Variants in BORCS5 observed in about 807,000 individuals in gnomAD.
BORCS5 encodes the protein BLOC-1 related complex subunit 5, also known as BLOC-1-related complex subunit 5.
In BORCS5, 17 loss-of-function variants were observed where a neutral mutation model predicts 22.1. The ratio of observed to expected loss-of-function variants is 0.77; its 90% confidence interval spans 0.53 to 1.15. The LOEUF (loss-of-function observed/expected upper bound fraction) is 1.15. BORCS5 is among the 50% of genes most tolerant of loss of function. The pLI is 0.00. For synonymous variants in BORCS5, 117 were observed against 99.8 expected, an observed-to-expected ratio of 1.17 and a Z score of -1.03; for missense variants, 247 against 253.2, an observed-to-expected ratio of 0.98 and a Z score of 0.17.
At chr12:12,452,757 C>A (rs758503899) in intron 3 of BORCS5, among the ~76,000 whole-genome samples, 10 of 152,202 alleles carry the variant, frequency 6.6e-5, no homozygotes, top group Non-Finnish European at 1.0e-4. Flanking sequence ...GAGAGGCGTC[C>A]AGGAAAGATT....
rs1943259756 is a variant in BORCS5, at chr12:12,469,736, A to G, written c.*3960A>G. 1 of 152,252 alleles carries G rather than the reference A, an allele frequency of 6.6e-6. No individual in the cohort carries two copies. The highest frequency in any genetic ancestry group is 1.5e-5 in the Non-Finnish European group (1 of 68,048). 9.4% of individuals were successfully genotyped at this position (152,252 alleles called of 1,614,324 possible). ...ATTTGTTTATACTTCAGCCAAACCC[A>G]GATATATAGTGCTCAGCAGAAATTA... On this transcript the variant is annotated 3_prime_UTR_variant, in exon 4 of 4. Transcript: ENST00000314565.
rs1296529002 is a variant in BORCS5 at position 12,407,899 on chromosome 12, G to A, written c.203-27729G>A. Among the ~76,000 whole-genome samples, 4 of 151,566 alleles carry A rather than the reference G, an allele frequency of 2.6e-5. No homozygotes were observed. The East Asian group carries it at 5.8e-4, about 22-fold the overall frequency. ...TAATTTTTGTATATTTTGTAGAGAC[G>A]GGGTTTCACCATGTTGCCCAGGCTG... On this transcript the variant is annotated intron_variant, in intron 2 of 3. Transcript: ENST00000314565.
chr12:12,451,929 TAAAA>T (rs34066948), intron 3 of BORCS5, among the ~76,000 whole-genome samples: 1 of 134,038 alleles, frequency 7.5e-6, no homozygotes, highest in Non-Finnish European at 1.6e-5. Context: ...AAAAAAAAAT[TAAAA>T]AAAAAAAAAA....
At chr12:12,383,276 C>T (rs1863813293) in intron 2 of BORCS5, among the ~76,000 whole-genome samples, 1 of 151,236 alleles carries the variant, frequency 6.6e-6, no homozygotes, top group African/African-American at 2.4e-5. Context: ...CCATTATAGC[C>T]TCATTCTTTC....
intron 2 of BORCS5, among the ~76,000 whole-genome samples, chr12:12,415,321 C>T (rs1392620017): frequency 2.7e-5 from 4 of 150,286 alleles, no homozygotes; most frequent in Non-Finnish European, 4.5e-5. Flanking sequence ...CCGAGGCTGG[C>T]GGATCACTCG....
At chr12:12,447,508 C>T (rs1942813308) in intron 3 of BORCS5, among the ~76,000 whole-genome samples, 1 of 152,214 alleles carries the variant, frequency 6.6e-6, no homozygotes, top group South Asian at 2.1e-4. Context: ...GCCTGATGTC[C>T]CGAGCAGCCA....
intron 2 of BORCS5, among the ~76,000 whole-genome samples, chr12:12,416,957 T>TTTC (rs1941979322): frequency 7.4e-6 from 1 of 135,316 alleles, no homozygotes; most frequent in Non-Finnish European, 1.6e-5. Context: ...ACTTTTTGTA[T>TTTC]TTTTTTTTTT....
intron 2 of BORCS5, among the ~76,000 whole-genome samples, chr12:12,417,987 CATTTATTTATTTATTTATTTATTTATTT>C (rs144698905): frequency 4.3e-5 from 6 of 138,926 alleles, no homozygotes; most frequent in Non-Finnish European, 3.1e-5. Context: ...TATATCAAAC[CATTTATTTATTTATTTATTTATTTATTT>C]ATTTATTTAT....
Position 12,469,341 on chromosome 12 carries a change from A to C in BORCS5, c.*3565A>C, listed in dbSNP as rs1202632237. 6.6e-6 allele frequency: 1 copy of C among 152,192 alleles called. No individual in the cohort carries two copies. The highest frequency in any genetic ancestry group is 1.5e-5 in the Non-Finnish European group (1 of 68,040). The allele number at this position is 152,192 out of a possible 1,614,324, so 9.4% of individuals were successfully genotyped here. On this transcript the variant is annotated 3_prime_UTR_variant, in exon 4 of 4. Coordinates refer to ENST00000314565, the MANE Select transcript of BORCS5 (RefSeq NM_058169.6). Reference sequence around the variant, plus strand: ...ATTGCACTCTGGCCTGGGTAACAAGAGTGAAACTCCGTTTAGAAATGAGTT... The same window carrying C: ...ATTGCACTCTGGCCTGGGTAACAAGCGTGAAACTCCGTTTAGAAATGAGTT...
intron 3 of BORCS5, among the ~76,000 whole-genome samples, chr12:12,462,876 C>G (rs568205284): frequency 1.1e-4 from 17 of 151,368 alleles, no homozygotes; most frequent in Non-Finnish European, 2.2e-4. Flanking sequence ...AGGCTGGTCT[C>G]GAACTCCTGA....
At chr12:12,436,027 G>A in intron 3 of BORCS5, 1 of 426,166 alleles carries the variant, frequency 2.3e-6, no homozygotes, top group Non-Finnish European at 4.2e-6. Flanking sequence ...TTCCTCATGT[G>A]AAAAATGGGG....
intron 2 of BORCS5, among the ~76,000 whole-genome samples, chr12:12,410,882 T>G (rs1941714705): frequency 6.6e-6 from 1 of 151,352 alleles, no homozygotes; most frequent in Admixed American, 6.6e-5. Context: ...TTCCATTTGT[T>G]TGTGTGTTCT....
chr12:12,427,163 CTTTCTTTTCTTTTTT>C (rs1483923185), intron 2 of BORCS5, among the ~76,000 whole-genome samples: 1 of 133,602 alleles, frequency 7.5e-6, no homozygotes, highest in East Asian at 2.1e-4. Flanking sequence ...TAGACTTTCT[CTTTCTTTTCTTTTTT>C]TTTTTTTTTT....
intron 2 of BORCS5, among the ~76,000 whole-genome samples, chr12:12,403,164 G>A (rs1211493535): frequency 6.6e-6 from 1 of 152,140 alleles, no homozygotes; most frequent in East Asian, 1.9e-4. Context: ...TGAGGGTGCT[G>A]AGGCTCAGAG....
chr12:12,414,457 A>C, intron 2 of BORCS5, among the ~76,000 whole-genome samples: 1 of 78,808 alleles, frequency 1.3e-5, no homozygotes, highest in East Asian at 3.6e-4. Flanking sequence ...TCCCTCCCGG[A>C]CGGGGCGGCT....
rs1205884101 is a variant in BORCS5, at chr12:12,448,298, T to A, written c.360+12513T>A. Among the ~76,000 whole-genome samples, 6 of 152,260 alleles carry A rather than the reference T, an allele frequency of 3.9e-5. No homozygotes were observed. In the East Asian group the frequency reaches 7.7e-4, roughly 20 times the overall value. On this transcript the variant is annotated intron_variant, in intron 3 of 3. Coordinates refer to ENST00000314565, the MANE Select transcript of BORCS5 (RefSeq NM_058169.6). Reference sequence around the variant, plus strand: ...TGGTGCAATCTCGGCTCACTGCAACTCCTGCCTCCCGGGTTCAACGGATTC... The same window carrying A: ...TGGTGCAATCTCGGCTCACTGCAACACCTGCCTCCCGGGTTCAACGGATTC...
intron 3 of BORCS5, among the ~76,000 whole-genome samples, chr12:12,444,197 CAG>C (rs1336373812): frequency 6.6e-6 from 1 of 152,164 alleles, no homozygotes; most frequent in African/African-American, 2.4e-5. Context: ...CTCATTCTAT[CAG>C]AGAAAATAAA....
At chr12:12,360,056 C>T (rs922107506) in intron 1 of BORCS5, among the ~76,000 whole-genome samples, 37 of 152,128 alleles carry the variant, frequency 2.4e-4, no homozygotes, top group African/African-American at 8.9e-4. Flanking sequence ...GAAAGAAGTT[C>T]ATTCATGTTA....
At chr12:12,365,004 ATAAT>A (rs1863374112) in intron 2 of BORCS5, among the ~76,000 whole-genome samples, 4 of 152,212 alleles carry the variant, frequency 2.6e-5, no homozygotes, top group Admixed American at 2.6e-4. Context: ...CTGAAAGTGA[ATAAT>A]TAATGTGATG....
Sources: allele counts gnomAD v4.1 joint callset (sites outside exome capture counted in the v4.1 genomes callset), GRCh38; gene constraint gnomAD v4.1.1; transcripts MANE v1.5; gene names NCBI Gene and HGNC (gene_info 2026-07-23, HGNC 2026-07-21).